NTRK2: variants seen among roughly 807,000 people sequenced by gnomAD.
NTRK2 encodes neurotrophic receptor tyrosine kinase 2.
NTRK2 carries 13 observed loss-of-function variants against 94.5 expected under a neutral mutation model. That is an observed-to-expected ratio of 0.14 (90% confidence interval 0.09 to 0.22). The LOEUF (loss-of-function observed/expected upper bound fraction) is 0.22, where lower values mean the gene tolerates loss of function less well. Ranked by LOEUF, NTRK2 falls within the 10% of genes least tolerant of loss-of-function variation. The pLI, the probability that NTRK2 is intolerant of heterozygous loss-of-function variation, is 1.00. For synonymous variants in NTRK2, 372 were observed against 407.4 expected, an observed-to-expected ratio of 0.91 and a Z score of 1.05; for missense variants, 639 against 1,071.2, an observed-to-expected ratio of 0.60 and a Z score of 5.63.
intron 15 of NTRK2, 108 bp downstream of exon 15, chr9:84,934,400 T>TGCATTG: frequency 8.6e-7 from 1 of 1,159,424 alleles, no homozygotes; most frequent in Non-Finnish European, 1.3e-6. Context: ...AAATTGTTCC[T>TGCATTG]GCTATGATGG....
chr9:84,813,394 G>C lies in NTRK2; in HGVS notation c.1397-47646G>C, dbSNP rs1171657763. On this transcript the variant is annotated intron_variant, in intron 12 of 18. Transcript: ENST00000277120. ...GGCTCAATTATTTTTAAAACATTTTGTAAGCCAACAAAAGTCTGTGGGCTG... is the reference window on the plus strand; with the variant it reads ...GGCTCAATTATTTTTAAAACATTTTCTAAGCCAACAAAAGTCTGTGGGCTG... 6.6e-6 allele frequency: 7 copies of C among 1,060,524 alleles called. No homozygotes were observed. The African/African-American group carries it at 1.2e-4, about 17-fold the overall frequency. The allele number at this position is 1,060,524 out of a possible 1,614,324, so 65.7% of individuals were successfully genotyped here.
chr9:84,840,706 G>T (rs1020305237), intron 12 of NTRK2, among the ~76,000 whole-genome samples: 5 of 152,076 alleles, frequency 3.3e-5, no homozygotes, highest in Non-Finnish European at 7.4e-5. Context: ...AATCTAGCGC[G>T]CTGTTCTCCT....
At chr9:84,707,777 A>T in intron 4 of NTRK2, 67 bp from the exon 5 acceptor site, 2 of 1,201,978 alleles carry the variant, frequency 1.7e-6, no homozygotes, top group Non-Finnish European at 2.5e-6. Flanking sequence ...ACAAATCTCT[A>T]TTTGAATACT....
At chr9:84,836,575 T>A (rs2131729814) in intron 12 of NTRK2, among the ~76,000 whole-genome samples, 1 of 149,552 alleles carries the variant, frequency 6.7e-6, no homozygotes. Context: ...AATGTAATGT[T>A]ATTGTTTTCT....
intron 12 of NTRK2, among the ~76,000 whole-genome samples, chr9:84,835,330 G>A (rs2073808236): frequency 6.6e-6 from 1 of 152,052 alleles, no homozygotes; most frequent in African/African-American, 2.4e-5. Context: ...GCCCATCTGT[G>A]CATGACCCTT....
At chr9:84,685,368 T>A (rs975025314) in intron 2 of NTRK2, among the ~76,000 whole-genome samples, 1 of 151,764 alleles carries the variant, frequency 6.6e-6, no homozygotes, top group Admixed American at 6.6e-5. Context: ...GCTTCTTCTT[T>A]TTTTTTTTTT....
At position 84,843,774 on chromosome 9, in the gene NTRK2, A is replaced by G. The variant is rs115756684; in HGVS notation, c.1397-17266A>G. ...GAAGCTTTCTTTTAAGGAGTTTACA[A>G]TCTAGCTGAGGACATAGATGAGTAA... On this transcript the variant is annotated intron_variant, in intron 12 of 18. Coordinates refer to ENST00000277120, the MANE Select transcript of NTRK2 (RefSeq NM_006180.6). Among the ~76,000 whole-genome samples, 912 of 152,322 alleles carry G rather than the reference A, an allele frequency of 6.0e-3. 8 individuals carry two copies. Among genetic ancestry groups the G allele is most frequent in the African/African-American group, 0.021 (857 of 41,554 alleles).
intron 12 of NTRK2, among the ~76,000 whole-genome samples, chr9:84,836,330 A>G (rs571394989): frequency 3.7e-4 from 57 of 152,070 alleles, no homozygotes; most frequent in African/African-American, 1.3e-3. Flanking sequence ...AATGATGGCT[A>G]TGTTGGTGCT....
chr9:84,797,597 A>G (rs1468041128), intron 12 of NTRK2, among the ~76,000 whole-genome samples: 1 of 82,338 alleles, frequency 1.2e-5, no homozygotes, highest in African/African-American at 4.9e-5. Context: ...TATATATACT[A>G]TATATTATAT....
intron 12 of NTRK2, among the ~76,000 whole-genome samples, chr9:84,760,810 A>G (rs928602712): frequency 5.3e-5 from 8 of 152,238 alleles, no homozygotes; most frequent in African/African-American, 1.4e-4. Context: ...AGATCTAAAA[A>G]CACGACCTCA....
chr9:84,904,818 G>A (rs1012002285), intron 14 of NTRK2, among the ~76,000 whole-genome samples: 1 of 152,166 alleles, frequency 6.6e-6, no homozygotes, highest in African/African-American at 2.4e-5. Flanking sequence ...AAAATACTGG[G>A]AAGCAATGCT....
chr9:84,811,263 G>C, intron 12 of NTRK2: 1 of 1,064,886 alleles, frequency 9.4e-7, no homozygotes, highest in Non-Finnish European at 1.1e-6. Flanking sequence ...TTGTCTTAAA[G>C]TTCCTTAGCC....
intron 17 of NTRK2, among the ~76,000 whole-genome samples, chr9:85,005,332 G>A (rs1830836653): frequency 1.3e-5 from 2 of 152,260 alleles, no homozygotes; most frequent in African/African-American, 2.4e-5. Context: ...AAAGAGACAA[G>A]GTTAGAGGAT....
At chr9:84,691,565 G>A (rs1476280794) in intron 2 of NTRK2, among the ~76,000 whole-genome samples, 1 of 152,108 alleles carries the variant, frequency 6.6e-6, no homozygotes, top group African/African-American at 2.4e-5. Context: ...CAAGCAGATG[G>A]TGGGGGCTGA....
At chr9:84,774,419 T>C (rs1035244440) in intron 12 of NTRK2, among the ~76,000 whole-genome samples, 1 of 152,214 alleles carries the variant, frequency 6.6e-6, no homozygotes, top group Non-Finnish European at 1.5e-5. Context: ...CGCTTAGTTT[T>C]ATCCATGGAA....
intron 12 of NTRK2, among the ~76,000 whole-genome samples, chr9:84,835,417 C>T (rs1400843858): frequency 6.6e-6 from 1 of 152,058 alleles, no homozygotes; most frequent in Non-Finnish European, 1.5e-5. Flanking sequence ...TCAGGGTTGT[C>T]TTTGGAACAG....
Position 84,941,872 on chromosome 9 carries a change from A to C in NTRK2, c.1765-6590A>C, listed in dbSNP as rs545864042. 3.3e-5 allele frequency among the ~76,000 whole-genome samples: 5 copies of C among 152,320 alleles called. No individual in the cohort carries two copies. In the South Asian group the frequency reaches 1.0e-3, roughly 32 times the overall value. On this transcript the variant is annotated intron_variant, in intron 15 of 18. Coordinates refer to ENST00000277120, the MANE Select transcript of NTRK2 (RefSeq NM_006180.6). ...AACCATCTATTTTATCCACCATATT[A>C]TTGCAAATAGTTTAAAGTATGTGAA... is the stretch of plus-strand genomic sequence containing the variant.
At chr9:84,805,994 A>T (rs2071067497) in intron 12 of NTRK2, among the ~76,000 whole-genome samples, 1 of 152,236 alleles carries the variant, frequency 6.6e-6, no homozygotes, top group African/African-American at 2.4e-5. Flanking sequence ...CCTTTTCTTT[A>T]TAAATTACCC....
intron 17 of NTRK2, among the ~76,000 whole-genome samples, chr9:84,981,293 G>T (rs774301761): frequency 6.6e-6 from 1 of 151,836 alleles, no homozygotes; most frequent in Non-Finnish European, 1.5e-5. Context: ...GTAGAGAGTG[G>T]TTTTTGCCAT....
Sources: allele counts gnomAD v4.1 joint callset (sites outside exome capture counted in the v4.1 genomes callset), GRCh38; gene constraint gnomAD v4.1.1; transcripts MANE v1.5; gene names NCBI Gene and HGNC (gene_info 2026-07-23, HGNC 2026-07-21).